The following RTN4R variants were observed in gnomAD, a reference collection of about 807,000 sequenced individuals.
RTN4R encodes reticulon 4 receptor.
Under a neutral mutation model 27.7 loss-of-function variants are expected in RTN4R, and 4 were observed. That is an observed-to-expected ratio of 0.14 (90% CI 0.07 to 0.33). RTN4R has a LOEUF of 0.33. RTN4R is among the 10% of genes least tolerant of loss of function. RTN4R has a pLI of 1.00. For synonymous variants in RTN4R, 290 were observed against 305.6 expected (o/e 0.95, Z 0.53); for missense variants, 554 against 671.5 (o/e 0.83, Z 1.93).
At chr22:20,249,255 GA>G (rs766943455) in intron 1 of RTN4R, 1 of 527,980 alleles carries the variant, frequency 1.9e-6, no homozygotes, top group Non-Finnish European at 3.9e-6. Context: ...CCACCCTGGG[GA>G]CGCACTCTGA....
intron 1 of RTN4R, among the ~76,000 whole-genome samples, chr22:20,245,024 G>T (rs1054371745): frequency 1.3e-5 from 2 of 152,188 alleles, no homozygotes; most frequent in African/African-American, 4.8e-5. Context: ...TCTGGCTGTG[G>T]TCAGGGCTCA....
At chr22:20,259,216 G>A (rs1252334667) in intron 1 of RTN4R, among the ~76,000 whole-genome samples, 2 of 152,298 alleles carry the variant, frequency 1.3e-5, no homozygotes, top group East Asian at 1.9e-4. Flanking sequence ...CTCCGGCAGC[G>A]GGTGAAGAAT....
In RTN4R at chr22:20,242,623, A is replaced by G. The variant is rs759422698; in HGVS notation, c.510T>C (p.Pro170=). The G allele has an allele frequency of 6.8e-6, 11 of 1,610,660 alleles. No homozygotes were observed. The highest frequency in any genetic ancestry group is 6.6e-5 in the South Asian group (6 of 90,958). ...TGCCCAGGTCGCGGAAGGTGTCATC[A>G]GGCAGTGCCTGCAGCGCGTTGTCCT... The part of the protein sequence containing the change: ...YLQDNALQAL[P]DDTFRDLGNL... Residue 170 remains proline, a synonymous_variant, in exon 2 of 2, where the codon CCT becomes CCC. Coordinates refer to ENST00000043402, the MANE Select transcript of RTN4R (RefSeq NM_023004.6).
chr22:20,266,257 C>T (rs2051275934), intron 1 of RTN4R, among the ~76,000 whole-genome samples: 1 of 152,238 alleles, frequency 6.6e-6, no homozygotes, highest in African/African-American at 2.4e-5. Flanking sequence ...TGCTGGTCCC[C>T]ACTCTATAGA....
At chr22:20,250,218 C>G (rs1602642593) in intron 1 of RTN4R, among the ~76,000 whole-genome samples, 1 of 152,272 alleles carries the variant, frequency 6.6e-6, no homozygotes, top group Non-Finnish European at 1.5e-5. Context: ...CCTTGGCCTC[C>G]TATTCTACTG....
chr22:20,266,607 C>T (rs1280715282), intron 1 of RTN4R, among the ~76,000 whole-genome samples: 1 of 152,232 alleles, frequency 6.6e-6, no homozygotes, highest in Admixed American at 6.5e-5. Context: ...AATGGGTCTT[C>T]CCTGCCCAGA....
intron 1 of RTN4R, among the ~76,000 whole-genome samples, chr22:20,251,468 C>G (rs532247221): frequency 7.3e-5 from 11 of 150,832 alleles, no homozygotes; most frequent in Non-Finnish European, 1.2e-4. Flanking sequence ...GAGGCATTTT[C>G]TGTCCTTGTT....
chr22:20,256,641 G>A (rs987035939), intron 1 of RTN4R, among the ~76,000 whole-genome samples: 22 of 152,216 alleles, frequency 1.4e-4, no homozygotes, highest in African/African-American at 5.1e-4. Flanking sequence ...GCAACCCACC[G>A]GGCAGCCAGC....
At chr22:20,256,157 AG>A (rs2051211163) in intron 1 of RTN4R, among the ~76,000 whole-genome samples, 1 of 152,154 alleles carries the variant, frequency 6.6e-6, no homozygotes, top group East Asian at 1.9e-4. Context: ...GGCCAGTGGA[AG>A]GGGGTCAGCT....
At chr22:20,243,483 A>G (rs1373602987) in intron 1 of RTN4R, 1 of 520,348 alleles carries the variant, frequency 1.9e-6, no homozygotes, top group Non-Finnish European at 3.8e-6. Flanking sequence ...CCCGCATTGC[A>G]GGAGTCCCCG....
intron 1 of RTN4R, among the ~76,000 whole-genome samples, chr22:20,244,787 C>CA (rs1809065584): frequency 6.6e-6 from 1 of 152,148 alleles, no homozygotes; most frequent in Non-Finnish European, 1.5e-5. Flanking sequence ...GTGGAGGCCC[C>CA]ACATGCTCAT....
chr22:20,258,506 T>A (rs2051225381), intron 1 of RTN4R, among the ~76,000 whole-genome samples: 1 of 152,208 alleles, frequency 6.6e-6, no homozygotes, highest in Non-Finnish European at 1.5e-5. Flanking sequence ...TGGCTGAGCA[T>A]GAGTGACAGG....
At position 20,258,370 on chromosome 22, in the gene RTN4R, G is replaced by A. The variant is rs377664149; in HGVS notation, c.22+9701C>T. Among the ~76,000 whole-genome samples the A allele has an allele frequency of 2.7e-4, 41 of 152,110 alleles. 1 individual carries two copies. The highest frequency in any genetic ancestry group is 6.8e-3 in the Middle Eastern group (2 of 294). On this transcript the variant is annotated intron_variant, in intron 1 of 1. Transcript: ENST00000043402. ...CTGGCCCCTTCCCAATCCCTTCCTC[G>A]TCTGCACCACTGCCTTGCCCAAGGT...
chr22:20,256,508 T>C (rs1249617276), intron 1 of RTN4R, among the ~76,000 whole-genome samples: 1 of 152,210 alleles, frequency 6.6e-6, no homozygotes, highest in East Asian at 1.9e-4. Context: ...ACAACAGCCC[T>C]GGCCCCATCC....
chr22:20,258,247 A>G (rs2051223678), intron 1 of RTN4R, among the ~76,000 whole-genome samples: 4 of 152,132 alleles, frequency 2.6e-5, no homozygotes, highest in Admixed American at 6.5e-5. Context: ...GCGTTTGCTC[A>G]AGGAGCTCCC....
intron 1 of RTN4R, among the ~76,000 whole-genome samples, chr22:20,245,881 G>A (rs2051137960): frequency 6.6e-6 from 1 of 152,146 alleles, no homozygotes; most frequent in Non-Finnish European, 1.5e-5. Context: ...GCCCTGCCAT[G>A]GCCCCAGCTC....
chr22:20,267,837 G>A (rs1027914153), intron 1 of RTN4R: 4 of 352,234 alleles, frequency 1.1e-5, no homozygotes, highest in South Asian at 2.8e-5. Flanking sequence ...TGCCGAAGCC[G>A]TCAACTTTCC....
At chr22:20,245,733 T>G (rs1382373791) in intron 1 of RTN4R, among the ~76,000 whole-genome samples, 4 of 152,212 alleles carry the variant, frequency 2.6e-5, no homozygotes, top group African/African-American at 9.7e-5. Flanking sequence ...CTACTGTCCT[T>G]CTGGAGATAG....
chr22:20,245,585 C>G (rs1230592361), intron 1 of RTN4R, among the ~76,000 whole-genome samples: 1 of 152,080 alleles, frequency 6.6e-6, no homozygotes. Flanking sequence ...AGCCCCTCCC[C>G]ACCCCAAAAG....
Sources: allele counts gnomAD v4.1 joint callset (sites outside exome capture counted in the v4.1 genomes callset), GRCh38; gene constraint gnomAD v4.1.1; transcripts MANE v1.5; gene names NCBI Gene and HGNC (gene_info 2026-07-23, HGNC 2026-07-21).